Variants in BMPR1A observed in about 807,000 individuals in gnomAD.
The protein encoded by BMPR1A is bone morphogenetic protein receptor type-1A.
Under a neutral mutation model 66.0 loss-of-function variants are expected in BMPR1A, and 7 were observed. That is an observed-to-expected ratio of 0.11 (90% CI 0.06 to 0.20). The LOEUF is 0.20. Among genes scored for constraint, BMPR1A ranks in the 10% least tolerant of loss-of-function variants. The pLI is 1.00. For missense variants in BMPR1A, 408 were observed against 669.1 expected (o/e 0.61, Z 4.31); for synonymous variants, 200 against 229.7 (o/e 0.87, Z 1.17).
chr10:86,809,835 T>G (rs1483366733), intron 1 of BMPR1A, among the ~76,000 whole-genome samples: 1 of 152,134 alleles, frequency 6.6e-6, no homozygotes, highest in Non-Finnish European at 1.5e-5. Context: ...CTGTCTAATA[T>G]GAATTTGCCT....
chr10:86,862,015 ATCGAC>A (rs1403766628), intron 2 of BMPR1A, among the ~76,000 whole-genome samples: 2 of 152,258 alleles, frequency 1.3e-5, no homozygotes. Context: ...TTTATTTAGT[ATCGAC>A]TCTGTGCCAG....
intron 1 of BMPR1A, among the ~76,000 whole-genome samples, chr10:86,782,129 C>A (rs879916922): frequency 2.0e-5 from 3 of 152,234 alleles, no homozygotes; most frequent in South Asian, 2.1e-4. Flanking sequence ...TCCCAAAGTG[C>A]TGGGATTACA....
At chr10:86,804,375 G>T (rs1354305051) in intron 1 of BMPR1A, among the ~76,000 whole-genome samples, 1 of 152,080 alleles carries the variant, frequency 6.6e-6, no homozygotes, top group Non-Finnish European at 1.5e-5. Flanking sequence ...TGGTAGCTGG[G>T]ACTACAGGCA....
At chr10:86,857,957 T>A (rs1842666662) in intron 2 of BMPR1A, among the ~76,000 whole-genome samples, 1 of 152,100 alleles carries the variant, frequency 6.6e-6, no homozygotes, top group Admixed American at 6.6e-5. Flanking sequence ...TAGTTTTTCC[T>A]GTATCCTGTT....
chr10:86,898,434 G>A (rs985233231), intron 5 of BMPR1A, among the ~76,000 whole-genome samples: 1 of 151,742 alleles, frequency 6.6e-6, no homozygotes, highest in Non-Finnish European at 1.5e-5. Flanking sequence ...ATTCACCTAG[G>A]TTAGAATATA....
intron 1 of BMPR1A, among the ~76,000 whole-genome samples, chr10:86,828,453 C>A (rs1348237155): frequency 6.6e-6 from 1 of 152,152 alleles, no homozygotes; most frequent in Non-Finnish European, 1.5e-5. Context: ...AAGTAAAAAA[C>A]CACAACACTC....
intron 3 of BMPR1A, among the ~76,000 whole-genome samples, chr10:86,886,665 C>G (rs1843070954): frequency 2.0e-5 from 3 of 151,916 alleles, no homozygotes. Context: ...GAGGCTCTTT[C>G]CTGTTACTTT....
chr10:86,763,790 G>GTTTTT (rs5786745), intron 1 of BMPR1A, among the ~76,000 whole-genome samples: 43 of 117,416 alleles, frequency 3.7e-4, no homozygotes, highest in African/African-American at 6.7e-4. Context: ...TTGGATAGTT[G>GTTTTT]TTTTTTTTTT....
chr10:86,894,379 G>C (rs998596314), intron 5 of BMPR1A, among the ~76,000 whole-genome samples: 19 of 152,154 alleles, frequency 1.2e-4, no homozygotes, highest in Admixed American at 3.9e-4. Context: ...GAATTTTATC[G>C]TATAAGCATT....
intron 3 of BMPR1A, among the ~76,000 whole-genome samples, chr10:86,880,924 A>T (rs1239462983): frequency 6.6e-6 from 1 of 152,196 alleles, no homozygotes; most frequent in East Asian, 1.9e-4. Flanking sequence ...GTTAGGGCTG[A>T]GGGCTGTGAC....
intron 2 of BMPR1A, among the ~76,000 whole-genome samples, chr10:86,857,985 C>T (rs1482577252): frequency 6.6e-6 from 1 of 152,032 alleles, no homozygotes; most frequent in African/African-American, 2.4e-5. Flanking sequence ...AGAAGTCACT[C>T]AGTTTAACCT....
At chr10:86,846,699 C>T (rs1016766180) in intron 2 of BMPR1A, among the ~76,000 whole-genome samples, 5 of 151,922 alleles carry the variant, frequency 3.3e-5, no homozygotes, top group Non-Finnish European at 1.5e-5. Context: ...AGACTCTGTC[C>T]CCCGCCGCCC....
intron 3 of BMPR1A, among the ~76,000 whole-genome samples, chr10:86,884,457 A>G (rs1843041755): frequency 8.7e-6 from 1 of 115,590 alleles, no homozygotes; most frequent in Non-Finnish European, 1.6e-5. Context: ...TCTGTTGACC[A>G]GGCTGGAGTG....
At chr10:86,837,176 T>G (rs996406409) in intron 1 of BMPR1A, among the ~76,000 whole-genome samples, 3 of 152,096 alleles carry the variant, frequency 2.0e-5, no homozygotes. Context: ...GTAAGTAGTT[T>G]ACATGTTAAT....
intron 2 of BMPR1A, among the ~76,000 whole-genome samples, chr10:86,853,675 C>G (rs948602285): frequency 6.6e-6 from 1 of 152,098 alleles, no homozygotes; most frequent in Non-Finnish European, 1.5e-5. Flanking sequence ...CCGGGGGAGA[C>G]ATCACATGTC....
In BMPR1A at chr10:86,760,652, A is replaced by G. The variant is rs7074582; in HGVS notation, c.-268+3733A>G. ...TGGGGAAAGGCTCCTGTCTAGCCTA[A>G]CAGTAGCTGTTGAACTGTCCTGATC... On this transcript the variant is annotated intron_variant, in intron 1 of 12. Transcript: ENST00000372037. Among the ~76,000 whole-genome samples, 69,311 of 151,986 alleles carry G rather than the reference A, an allele frequency of 0.46. 16,210 individuals are homozygous for G. The highest frequency in any genetic ancestry group is 0.72 in the East Asian group (3,719 of 5,170).
In BMPR1A at chr10:86,783,270, A is replaced by C. The variant is rs564797385; in HGVS notation, c.-268+26351A>C. ...ACTGTAGCTTTGTAACAAGTTTTGAAATCAGAAAGTGTGAAGCCTACAGTT... is the reference window on the plus strand; with the variant it reads ...ACTGTAGCTTTGTAACAAGTTTTGACATCAGAAAGTGTGAAGCCTACAGTT... On this transcript the variant is annotated intron_variant, in intron 1 of 12. Coordinates refer to ENST00000372037, the MANE Select transcript of BMPR1A (RefSeq NM_004329.3). Among the ~76,000 whole-genome samples, 114 of 152,308 alleles carry C rather than the reference A, an allele frequency of 7.5e-4. 1 individual carries two copies. The South Asian group carries it at 9.9e-3, about 13-fold the overall frequency.
downstream of BMPR1A, chr10:86,932,247 G>A (rs1286176192): frequency 6.6e-6 from 1 of 151,984 alleles, no homozygotes; most frequent in Non-Finnish European, 1.5e-5. Context: ...AATACTTCAG[G>A]GATGTTCTAT....
intron 3 of BMPR1A, among the ~76,000 whole-genome samples, chr10:86,884,175 T>A (rs892892649): frequency 3.3e-5 from 5 of 151,856 alleles, no homozygotes; most frequent in African/African-American, 1.2e-4. Context: ...GCCAGCCTGC[T>A]GGGTTCTTAA....
Sources: allele counts gnomAD v4.1 joint callset (sites outside exome capture counted in the v4.1 genomes callset), GRCh38; gene constraint gnomAD v4.1.1; transcripts MANE v1.5; gene names NCBI Gene and HGNC (gene_info 2026-07-23, HGNC 2026-07-21).